The following BACH2 variants were observed in gnomAD, a reference collection of about 807,000 sequenced individuals.
BACH2 encodes the protein transcription regulator protein BACH2.
In BACH2, 5 loss-of-function variants were observed where a neutral mutation model predicts 61.8. That is an observed-to-expected ratio of 0.08 (90% CI 0.04 to 0.17). BACH2 has a LOEUF of 0.17. Ranked by LOEUF, BACH2 falls within the 10% of genes least tolerant of loss-of-function variation. The pLI is 1.00. For synonymous variants in BACH2, 446 were observed against 440.1 expected, an observed-to-expected ratio of 1.01 and a Z score of -0.17; for missense variants, 824 against 1,091.1, an observed-to-expected ratio of 0.76 and a Z score of 3.45.
At chr6:90,182,874 G>A (rs1582458584) in intron 4 of BACH2, among the ~76,000 whole-genome samples, 1 of 152,056 alleles carries the variant, frequency 6.6e-6, no homozygotes, top group Non-Finnish European at 1.5e-5. Flanking sequence ...TAAGTTTATG[G>A]GAATAATAAT....
intron 6 of BACH2, among the ~76,000 whole-genome samples, chr6:90,003,209 C>A (rs1777226234): frequency 6.6e-6 from 1 of 152,182 alleles, no homozygotes; most frequent in South Asian, 2.1e-4. Flanking sequence ...CAGTCTGGAC[C>A]ATCACCTCTC....
chr6:90,002,322 C>T (rs746422628), intron 6 of BACH2, among the ~76,000 whole-genome samples: 1 of 152,126 alleles, frequency 6.6e-6, no homozygotes, highest in East Asian at 1.9e-4. Context: ...CCTTGGTGAT[C>T]GTATGTAGTC....
Position 90,296,473 on chromosome 6 carries a change from G to C in BACH2, c.-446+7C>G, listed in dbSNP as rs1337133073. 1.3e-5 allele frequency: 2 copies of C among 150,996 alleles called. No homozygotes were observed. The highest frequency in any genetic ancestry group is 4.8e-5 in the African/African-American group (2 of 41,266). 9.4% of individuals were successfully genotyped at this position (150,996 alleles called of 1,614,324 possible). On this transcript the variant is annotated splice_region_variant and intron_variant, in intron 1 of 8. Transcript: ENST00000257749. ...GCGGGGCCCGGGGCCCGGGGCCCGGGACTCACCTCGCCGGAGAACTTTGCG... is the reference window on the plus strand; with the variant it reads ...GCGGGGCCCGGGGCCCGGGGCCCGGCACTCACCTCGCCGGAGAACTTTGCG...
At chr6:90,062,394 TTAAC>T (rs1780730480) in intron 5 of BACH2, among the ~76,000 whole-genome samples, 1 of 149,844 alleles carries the variant, frequency 6.7e-6, no homozygotes, top group Non-Finnish European at 1.5e-5. Flanking sequence ...AAGTAGGTGA[TTAAC>T]TCAATATACA....
intron 4 of BACH2, among the ~76,000 whole-genome samples, chr6:90,180,723 T>C (rs1033411473): frequency 1.3e-5 from 2 of 152,188 alleles, no homozygotes; most frequent in African/African-American, 4.8e-5. Flanking sequence ...TTTTCATGGC[T>C]GAGTAGTATT....
At position 89,950,420 on chromosome 6, in the gene BACH2, C is replaced by T; in HGVS notation, c.1686G>A (p.Gln562=). The change falls in exon 7 of 9, where the codon CAG becomes CAA. Residue 562 remains glutamine (Q), a synonymous_variant. Transcript: ENST00000257749. This position sits in a 1 kb window ranked among gnomAD's most constrained non-coding sequence, Gnocchi z 5.3. ...TTCCATCTCCCATCAGGCCTGGTTC[C>T]TGATGTTCTGTGGCAAGGAATCTGG... The part of the protein sequence containing the change: ...QGARFLATEH[Q]EPGLMGDGMY... 6.2e-7 allele frequency: 1 copy of T among 1,614,170 alleles called. No individual in the cohort carries two copies. Among genetic ancestry groups the T allele is most frequent in the Non-Finnish European group, 8.5e-7 (1 of 1,180,040 alleles).
At chr6:89,955,883 G>A (rs138847306) in intron 6 of BACH2, among the ~76,000 whole-genome samples, 5 of 152,176 alleles carry the variant, frequency 3.3e-5, no homozygotes, top group African/African-American at 1.2e-4. Flanking sequence ...ATAAGAGGGG[G>A]GTGGGAGGTG....
chr6:90,012,485 C>T (rs1046671461), intron 5 of BACH2, among the ~76,000 whole-genome samples: 4 of 151,772 alleles, frequency 2.6e-5, no homozygotes, highest in Non-Finnish European at 5.9e-5. Context: ...CAAAAATTAG[C>T]CAGGCATGGT....
At chr6:90,262,455 A>G (rs1771192427) in intron 2 of BACH2, among the ~76,000 whole-genome samples, 1 of 152,166 alleles carries the variant, frequency 6.6e-6, no homozygotes, top group Non-Finnish European at 1.5e-5. Context: ...ATTCATGGGT[A>G]CCATGCGTGC....
chr6:90,138,659 C>T (rs1364859079), intron 4 of BACH2, among the ~76,000 whole-genome samples: 8 of 151,936 alleles, frequency 5.3e-5, no homozygotes, highest in Non-Finnish European at 8.8e-5. Flanking sequence ...ATTACTGAGG[C>T]GAATTCATTA....
At chr6:90,223,824 T>C (rs1299094087) in intron 3 of BACH2, among the ~76,000 whole-genome samples, 1 of 152,164 alleles carries the variant, frequency 6.6e-6, no homozygotes, top group African/African-American at 2.4e-5. Context: ...TCTGTGTCTG[T>C]ATTTGGTTGC....
chr6:90,216,830 C>A (rs1427573844), intron 3 of BACH2, among the ~76,000 whole-genome samples: 3 of 152,054 alleles, frequency 2.0e-5, no homozygotes, highest in African/African-American at 7.2e-5. Flanking sequence ...GGGGAGGGTG[C>A]TACTGGCATC....
At chr6:89,969,139 C>A (rs1332868113) in intron 6 of BACH2, among the ~76,000 whole-genome samples, 1 of 150,200 alleles carries the variant, frequency 6.7e-6, no homozygotes, top group Non-Finnish European at 1.5e-5. Context: ...CCGCAACCTC[C>A]GCCTCCTGGG....
intron 7 of BACH2, among the ~76,000 whole-genome samples, chr6:89,948,294 TCTC>T (rs1208600468): frequency 6.6e-6 from 1 of 152,008 alleles, no homozygotes; most frequent in African/African-American, 2.4e-5. Context: ...GCAACCTCCT[TCTC>T]CTGGGCTCAA....
intron 7 of BACH2, among the ~76,000 whole-genome samples, chr6:89,942,287 CACTG>C (rs1034627106): frequency 2.4e-4 from 36 of 152,132 alleles, no homozygotes; most frequent in African/African-American, 8.0e-4. Context: ...AAGGAGTAGC[CACTG>C]ACTGTTTGGT....
At chr6:90,103,236 T>C (rs988502984) in intron 4 of BACH2, among the ~76,000 whole-genome samples, 1 of 151,560 alleles carries the variant, frequency 6.6e-6, no homozygotes, top group African/African-American at 2.4e-5. Flanking sequence ...CACCATGCAG[T>C]CTGAGAGTTT....
intron 4 of BACH2, among the ~76,000 whole-genome samples, chr6:90,091,735 G>A (rs892220360): frequency 6.6e-6 from 1 of 152,050 alleles, no homozygotes; most frequent in Non-Finnish European, 1.5e-5. Context: ...TTTGAGGAGT[G>A]GGGGGTGCAA....
intron 3 of BACH2, among the ~76,000 whole-genome samples, chr6:90,244,652 A>G (rs1385728942): frequency 6.6e-6 from 1 of 152,078 alleles, no homozygotes; most frequent in Admixed American, 6.5e-5. Flanking sequence ...ACTCGTGTAC[A>G]TGTGCTCTGT....
chr6:90,126,482 G>C (rs76633762), intron 4 of BACH2, among the ~76,000 whole-genome samples: 2,126 of 152,212 alleles, frequency 0.014, 44 homozygotes, highest in African/African-American at 0.049. Flanking sequence ...GGGATGAAGA[G>C]GGGAGAAGGA....
Sources: gnomAD v4.1 joint callset for allele counts (sites outside exome capture counted in the v4.1 genomes callset) on GRCh38, gnomAD v4.1.1 for gene constraint, Gnocchi (gnomAD v3.1) non-coding constraint, MANE v1.5 for transcripts, NCBI Gene and HGNC (gene_info 2026-07-23, HGNC 2026-07-21) for gene names.